The following SV2C variants were observed in gnomAD, a reference collection of about 807,000 sequenced individuals.
SV2C encodes solute carrier family 22 member B3.
SV2C carries 49 observed loss-of-function variants against 79.7 expected under a neutral mutation model. The observed-to-expected ratio is 0.61, with a 90% confidence interval of 0.49 to 0.78. The LOEUF (loss-of-function observed/expected upper bound fraction) is 0.78, where lower values mean the gene tolerates loss of function less well. Ranked by LOEUF, SV2C falls within the 30% of genes least tolerant of loss-of-function variation. SV2C has a pLI of 0.00. For missense variants in SV2C, 833 were observed against 912.9 expected, an observed-to-expected ratio of 0.91 and a Z score of 1.13; for synonymous variants, 334 against 333.2, an observed-to-expected ratio of 1.00 and a Z score of -0.03.
At chr5:75,988,176 T>C in the SV2C span, among the ~76,000 whole-genome samples, 9 of 152,004 alleles carry the variant, frequency 5.9e-5, no homozygotes, top group African/African-American at 2.2e-4. Context: ...TGTCATATTG[T>C]CATTTTTTCC....
chr5:76,267,809 A>G (rs1305499923), intron 4 of SV2C, among the ~76,000 whole-genome samples: 1 of 152,246 alleles, frequency 6.6e-6, no homozygotes, highest in Admixed American at 6.5e-5. Flanking sequence ...AAGCAAAGGA[A>G]AGAGCCTGGG....
the SV2C span, among the ~76,000 whole-genome samples, chr5:76,051,634 A>C: frequency 6.6e-6 from 1 of 152,234 alleles, no homozygotes; most frequent in Non-Finnish European, 1.5e-5. Context: ...GGTCATAAAA[A>C]TACAGCATGG....
At chr5:76,252,924 A>T (rs1296980894) in intron 4 of SV2C, among the ~76,000 whole-genome samples, 1 of 152,252 alleles carries the variant, frequency 6.6e-6, no homozygotes, top group Non-Finnish European at 1.5e-5. Flanking sequence ...ACTTCATGTT[A>T]TTAAAAGATA....
chr5:76,339,736 A>G (rs1749404892), intron 12 of SV2C, among the ~76,000 whole-genome samples: 1 of 151,998 alleles, frequency 6.6e-6, no homozygotes. Context: ...AAAGAAAAAA[A>G]AGATTTCTCA....
chr5:75,940,584 G>T, the SV2C span, among the ~76,000 whole-genome samples: 5 of 152,138 alleles, frequency 3.3e-5, no homozygotes, highest in Non-Finnish European at 7.3e-5. Flanking sequence ...CTGTAGACAG[G>T]AGTCTCTGTC....
chr5:76,184,445 T>C (rs1326765168), intron 2 of SV2C, among the ~76,000 whole-genome samples: 1 of 152,232 alleles, frequency 6.6e-6, no homozygotes, highest in Non-Finnish European at 1.5e-5. Context: ...TTCAGTCTAT[T>C]ACCACTTGTA....
chr5:75,973,217 C>T, the SV2C span, among the ~76,000 whole-genome samples: 1 of 151,836 alleles, frequency 6.6e-6, no homozygotes, highest in South Asian at 2.1e-4. Flanking sequence ...GGAGACATAC[C>T]TGATGCTAAA....
At chr5:76,296,284 A>G (rs1294212676) in intron 9 of SV2C, among the ~76,000 whole-genome samples, 3 of 152,216 alleles carry the variant, frequency 2.0e-5, no homozygotes, top group African/African-American at 2.4e-5. Flanking sequence ...AAGACAGGCT[A>G]TAGGATTATT....
intron 2 of SV2C, among the ~76,000 whole-genome samples, chr5:76,154,321 T>C (rs1279557671): frequency 1.3e-5 from 2 of 152,216 alleles, no homozygotes; most frequent in African/African-American, 4.8e-5. Flanking sequence ...TGCCTTCTCT[T>C]TCTGTTAATG....
At chr5:76,318,357 G>GAAC (rs1258679608) in intron 12 of SV2C, among the ~76,000 whole-genome samples, 1 of 152,102 alleles carries the variant, frequency 6.6e-6, no homozygotes, top group Admixed American at 6.5e-5. Flanking sequence ...GGCGGAGGTT[G>GAAC]CAGTGAGCCG....
At chr5:75,954,713 A>G in the SV2C span, among the ~76,000 whole-genome samples, 12 of 150,460 alleles carry the variant, frequency 8.0e-5, no homozygotes, top group Non-Finnish European at 1.6e-4. Context: ...ATATAAAATC[A>G]ATGTACAAAA....
At chr5:76,220,472 G>A (rs1402195718) in intron 4 of SV2C, among the ~76,000 whole-genome samples, 1 of 152,074 alleles carries the variant, frequency 6.6e-6, no homozygotes, top group Non-Finnish European at 1.5e-5. Context: ...AGGAGTTCGA[G>A]GCCAGCCTGG....
the SV2C span, among the ~76,000 whole-genome samples, chr5:76,041,091 A>T: frequency 2.0e-5 from 3 of 152,148 alleles, no homozygotes; most frequent in African/African-American, 7.2e-5. Flanking sequence ...TCAAGCTTGT[A>T]CCAGGGCTGA....
chr5:76,004,288 T>A, the SV2C span, among the ~76,000 whole-genome samples: 3 of 152,162 alleles, frequency 2.0e-5, no homozygotes, highest in Non-Finnish European at 4.4e-5. Flanking sequence ...CATCAAACAG[T>A]ACATTTCTTA....
At chr5:76,197,621 G>A (rs1744305625) in intron 3 of SV2C, among the ~76,000 whole-genome samples, 1 of 151,740 alleles carries the variant, frequency 6.6e-6, no homozygotes, top group Admixed American at 6.6e-5. Context: ...AGTTATTAAG[G>A]AAAATGAGGG....
intron 12 of SV2C, among the ~76,000 whole-genome samples, chr5:76,342,167 A>G (rs1441626544): frequency 6.6e-6 from 1 of 152,094 alleles, no homozygotes; most frequent in Non-Finnish European, 1.5e-5. Flanking sequence ...ATATACGGGG[A>G]CCTTACCAAC....
intron 4 of SV2C, among the ~76,000 whole-genome samples, chr5:76,263,024 G>A (rs1242848823): frequency 3.3e-5 from 5 of 152,096 alleles, no homozygotes; most frequent in African/African-American, 4.8e-5. Flanking sequence ...TAATATTGGC[G>A]GTAGGGTGTT....
At chr5:76,335,414 CTTTTTTTT>C (rs869230352), downstream of SV2C, among the ~76,000 whole-genome samples, 1,110 of 98,142 alleles carry the variant, frequency 0.011, 8 homozygotes, top group African/African-American at 0.048. Flanking sequence ...ACACATTTTC[CTTTTTTTT>C]TTTTTTTTTT....
At chr5:76,049,094 T>C in the SV2C span, among the ~76,000 whole-genome samples, 2 of 151,234 alleles carry the variant, frequency 1.3e-5, no homozygotes, top group Middle Eastern at 3.4e-3. Context: ...TCCCAACTCT[T>C]TGGGAGGCCG....
Sources: gnomAD v4.1 joint callset for allele counts (sites outside exome capture counted in the v4.1 genomes callset) on GRCh38, gnomAD v4.1.1 for gene constraint, MANE v1.5 for transcripts, NCBI Gene and HGNC (gene_info 2026-07-23, HGNC 2026-07-21) for gene names.